Variants in PHACTR2 observed in about 807,000 individuals in gnomAD.
PHACTR2 encodes the protein chromosome 6 open reading frame 56.
PHACTR2 carries 30 observed loss-of-function variants against 76.0 expected under a neutral mutation model. The ratio of observed to expected loss-of-function variants is 0.39; its 90% CI spans 0.30 to 0.54. PHACTR2 has a LOEUF of 0.54. Ranked by LOEUF, PHACTR2 falls within the 20% of genes least tolerant of loss-of-function variation. The probability of loss-of-function intolerance (pLI) is 0.61; values close to 1 mark genes in which losing one functional copy is unlikely to be tolerated. For synonymous variants in PHACTR2, 292 were observed against 292.5 expected (o/e 1.00, Z 0.02); for missense variants, 696 against 781.1 (o/e 0.89, Z 1.30).
chr6:143,698,817 ATGAATGT>A lies in PHACTR2; in HGVS notation c.47-13197_47-13191del, dbSNP rs1375904410. On this transcript the variant is annotated intron_variant, in intron 1 of 12. Coordinates refer to ENST00000440869, the MANE Select transcript of PHACTR2 (RefSeq NM_001100164.2). The surrounding 1 kb of genome is among the most constrained non-coding windows in gnomAD (Gnocchi z 4.3). ...ATAATAGCTGCTCAGTTAATTGTGC[ATGAATGT>A]TTCCGTTCCACAGTGAACACACTTT... Among the ~76,000 whole-genome samples, 1 of 152,222 alleles carries A rather than the reference ATGAATGT, an allele frequency of 6.6e-6. No individual in the cohort carries two copies. The highest frequency in any genetic ancestry group is 1.5e-5 in the Non-Finnish European group (1 of 68,036).
At position 143,757,967 on chromosome 6, in the gene PHACTR2, A is replaced by G. The variant is rs567531453; in HGVS notation, c.455-2434A>G. Among the ~76,000 whole-genome samples, 434 of 110,090 alleles carry G rather than the reference A, an allele frequency of 3.9e-3. 1 individual carries two copies. Among genetic ancestry groups the G allele is most frequent in the African/African-American group, 0.016 (391 of 24,730 alleles). The allele number at this position is 110,090 out of a possible 152,430, so 72.2% of individuals were successfully genotyped here. ...TGTGTGCATGCACACGTGCGCGCAC[A>G]CACACACACACACACACACACATAA... On this transcript the variant is annotated intron_variant, in intron 4 of 12. Coordinates refer to ENST00000440869, the MANE Select transcript of PHACTR2 (RefSeq NM_001100164.2). The surrounding 1 kb of genome is among the most constrained non-coding windows in gnomAD (Gnocchi z 4.2).
At chr6:143,792,343 A>C (rs910456871) in intron 11 of PHACTR2, among the ~76,000 whole-genome samples, 3 of 151,728 alleles carry the variant, frequency 2.0e-5, no homozygotes, top group Non-Finnish European at 4.4e-5. Flanking sequence ...TAGTCAAGGC[A>C]TCTGGTATGC....
At position 143,819,378 on chromosome 6, in the gene PHACTR2, A is replaced by G. The variant is rs540909326; in HGVS notation, c.1923-4296A>G. On this transcript the variant is annotated intron_variant, in intron 12 of 12. Coordinates refer to ENST00000440869, the MANE Select transcript of PHACTR2 (RefSeq NM_001100164.2). The surrounding 1 kb of genome is among the most constrained non-coding windows in gnomAD (Gnocchi z 5.0). ...TGGGTATAGATCCGATGGCCAAGAA[A>G]GGGGTCTGTATCTGTCTGAGTTCTC... is the stretch of plus-strand genomic sequence containing the variant. 2.0e-5 allele frequency among the ~76,000 whole-genome samples: 3 copies of G among 152,344 alleles called. No individual in the cohort carries two copies. Among genetic ancestry groups the G allele is most frequent in the African/African-American group, 7.2e-5 (3 of 41,580 alleles).
intron 6 of PHACTR2, among the ~76,000 whole-genome samples, chr6:143,771,436 TTTAA>T (rs1775138622): frequency 6.7e-6 from 1 of 150,202 alleles, no homozygotes; most frequent in Admixed American, 6.7e-5. Flanking sequence ...TATGTATTTA[TTTAA>T]TTTATTTATT....
At chr6:143,620,183 G>A (rs1394756183) in intron 1 of PHACTR2, among the ~76,000 whole-genome samples, 1 of 152,184 alleles carries the variant, frequency 6.6e-6, no homozygotes, top group Admixed American at 6.5e-5. Context: ...TTAGAATAAA[G>A]CTCCAGCTTT....
chr6:143,681,875 A>C (rs1052882825), intron 1 of PHACTR2, among the ~76,000 whole-genome samples: 1 of 152,250 alleles, frequency 6.6e-6, no homozygotes, highest in African/African-American at 2.4e-5. Context: ...GTTGCCAAAA[A>C]TTGATTGACT....
At position 143,743,812 on chromosome 6, in the gene PHACTR2, G is replaced by T. The variant is rs1481579360; in HGVS notation, c.215-5173G>T. Among the ~76,000 whole-genome samples, 4 of 152,222 alleles carry T rather than the reference G, an allele frequency of 2.6e-5. No individual in the cohort carries two copies. Among genetic ancestry groups the T allele is most frequent in the Non-Finnish European group, 5.9e-5 (4 of 68,016 alleles). On this transcript the variant is annotated intron_variant, in intron 2 of 12. Coordinates refer to ENST00000440869, the MANE Select transcript of PHACTR2 (RefSeq NM_001100164.2). The surrounding 1 kb of genome is among the most constrained non-coding windows in gnomAD (Gnocchi z 5.0). ...AGTCTTCTATTTGCTCTTCTATTTT[G>T]TCCAGTCATTAAATGGTGTTAGAAT...
At chr6:143,705,372 G>A (rs1186603647) in intron 1 of PHACTR2, among the ~76,000 whole-genome samples, 2 of 145,444 alleles carry the variant, frequency 1.4e-5, no homozygotes, top group African/African-American at 5.2e-5. Context: ...TTGGTTCACT[G>A]CAAGCTCTGC....
rs551427599 is a variant in PHACTR2 at position 143,611,737 on chromosome 6, G to C, written c.13+3415G>C. 7.9e-5 allele frequency among the ~76,000 whole-genome samples: 12 copies of C among 152,290 alleles called. No individual in the cohort carries two copies. The highest frequency in any genetic ancestry group is 2.9e-4 in the African/African-American group (12 of 41,552). ...AAATAAATATATGCTCCAGCAGCGT[G>C]GCTCTGAAAGTGGTGTGGATGACAG... On this transcript the variant is annotated intron_variant, in intron 1 of 11. Coordinates refer to the PHACTR2 transcript ENST00000305766. The surrounding 1 kb of genome is among the most constrained non-coding windows in gnomAD (Gnocchi z 4.4).
At chr6:143,771,120 T>G (rs1204292525) in intron 6 of PHACTR2, among the ~76,000 whole-genome samples, 1 of 124,840 alleles carries the variant, frequency 8.0e-6, no homozygotes, top group African/African-American at 2.9e-5. Context: ...TTAATTCATA[T>G]ATGTACTTTA....
Position 143,611,923 on chromosome 6 carries a change from T to C in PHACTR2, c.13+3601T>C, listed in dbSNP as rs539554783. On this transcript the variant is annotated intron_variant, in intron 1 of 11. Transcript: ENST00000305766. The surrounding 1 kb of genome is among the most constrained non-coding windows in gnomAD (Gnocchi z 4.4). ...GAGTGGATATGGAGGCAGGGAGAACTGCAGCAGTCAAAGGAGACCCTGGAG... is the reference window on the plus strand; with the variant it reads ...GAGTGGATATGGAGGCAGGGAGAACCGCAGCAGTCAAAGGAGACCCTGGAG... Among the ~76,000 whole-genome samples, 1 of 152,336 alleles carries C rather than the reference T, an allele frequency of 6.6e-6. No homozygotes were observed. The highest frequency in any genetic ancestry group is 1.9e-4 in the East Asian group (1 of 5,190).
At chr6:143,744,552 G>A (rs912489495) in intron 2 of PHACTR2, among the ~76,000 whole-genome samples, 2 of 152,170 alleles carry the variant, frequency 1.3e-5, no homozygotes, top group Non-Finnish European at 2.9e-5. Context: ...CCACTAAGGT[G>A]ACCTTTGAGC....
At chr6:143,628,964 T>C (rs1776311666) in intron 1 of PHACTR2, among the ~76,000 whole-genome samples, 1 of 91,094 alleles carries the variant, frequency 1.1e-5, no homozygotes, top group Non-Finnish European at 2.3e-5. Flanking sequence ...TATATATATA[T>C]ATATATATAT....
At position 143,777,873 on chromosome 6, in the gene PHACTR2, C is replaced by T. The variant is rs1178355824; in HGVS notation, c.1645+490C>T. The stretch of plus-strand genomic sequence containing the variant: ...TCCTATGTTATGATAACTCGGCTTC[C>T]TTCTTGAGTTGTTTATAATTTCTCA... On this transcript the variant is annotated intron_variant, in intron 9 of 12. Coordinates refer to ENST00000440869, the MANE Select transcript of PHACTR2 (RefSeq NM_001100164.2). This position sits in a 1 kb window ranked among gnomAD's most constrained non-coding sequence, Gnocchi z 4.6. Among the ~76,000 whole-genome samples the T allele has an allele frequency of 1.3e-5, 2 of 152,250 alleles. No homozygotes were observed. Among genetic ancestry groups the T allele is most frequent in the Middle Eastern group, 3.4e-3 (1 of 292 alleles).
Position 143,764,520 on chromosome 6 carries a change from CAAA to C in PHACTR2, c.695-726_695-724del, listed in dbSNP as rs11321214. 2.4e-4 allele frequency among the ~76,000 whole-genome samples: 27 copies of C among 110,682 alleles called. No homozygotes were observed. The highest frequency in any genetic ancestry group is 3.6e-4 in the Admixed American group (4 of 11,048). The allele number at this position is 110,682 out of a possible 152,430, so 72.6% of individuals were successfully genotyped here. ...TGGGCGACAGAACAAGACCTTGTCT[CAAA>C]AAAAAAAAAAAAAAGGAGCAACCCA... On this transcript the variant is annotated intron_variant, in intron 5 of 12. Transcript: ENST00000440869. The surrounding 1 kb of genome is among the most constrained non-coding windows in gnomAD (Gnocchi z 4.7).
rs778933659 is a variant in PHACTR2, at chr6:143,753,764, A to T, written c.306A>T (p.Val102=). Residue 102 remains valine, a synonymous_variant, in exon 4 of 13, where the codon GTA becomes GTT. Coordinates refer to ENST00000440869, the MANE Select transcript of PHACTR2 (RefSeq NM_001100164.2). The surrounding 1 kb of genome is among the most constrained non-coding windows in gnomAD (Gnocchi z 4.6). Reference sequence around the variant, plus strand: ...TCTTTCCCATTTTAGATGGAGATGTAACAGTTAACTTTGAAAATTCAAACG... The same window carrying T: ...TCTTTCCCATTTTAGATGGAGATGTTACAGTTAACTTTGAAAATTCAAACG... ...LKELPDQDGD[V]TVNFENSNGH... 1 of 1,595,494 alleles carries T rather than the reference A, an allele frequency of 6.3e-7. No homozygotes were observed. Among genetic ancestry groups the T allele is most frequent in the Non-Finnish European group, 8.5e-7 (1 of 1,174,814 alleles).
chr6:143,675,802 T>C (rs1302850020), upstream of PHACTR2, among the ~76,000 whole-genome samples: 2 of 152,212 alleles, frequency 1.3e-5, no homozygotes, highest in Non-Finnish European at 2.9e-5. This position sits in a 1 kb window ranked among gnomAD's most constrained non-coding sequence, Gnocchi z 4.9. Flanking sequence ...TATAAACCCA[T>C]GGGATTAACA....
In PHACTR2 at chr6:143,646,131, C is replaced by T. The variant is rs1329178273; in HGVS notation, c.13+37809C>T. ...GTATATTCTCCAGTCCTTAAACAGG[C>T]ATTCAATGAGCATCTCTTATGTCTG... On this transcript the variant is annotated intron_variant, in intron 1 of 11. Coordinates refer to the PHACTR2 transcript ENST00000305766. The surrounding 1 kb of genome is among the most constrained non-coding windows in gnomAD (Gnocchi z 4.1). Among the ~76,000 whole-genome samples the T allele has an allele frequency of 6.6e-6, 1 of 152,010 alleles. No individual in the cohort carries two copies. Among genetic ancestry groups the T allele is most frequent in the Non-Finnish European group, 1.5e-5 (1 of 67,986 alleles).
chr6:143,770,794 T>A (rs1386948869), intron 6 of PHACTR2, among the ~76,000 whole-genome samples: 1 of 152,056 alleles, frequency 6.6e-6, no homozygotes, highest in Non-Finnish European at 1.5e-5. Flanking sequence ...ACTATGTATT[T>A]TTTAGTCTAG....
Sources: gnomAD v4.1 joint callset for allele counts (sites outside exome capture counted in the v4.1 genomes callset) on GRCh38, gnomAD v4.1.1 for gene constraint, Gnocchi (gnomAD v3.1) non-coding constraint, MANE v1.5 for transcripts, NCBI Gene and HGNC (gene_info 2026-07-23, HGNC 2026-07-21) for gene names.